TNPO3: variants seen among roughly 807,000 people sequenced by gnomAD.
TNPO3 encodes transportin 3.
Under a neutral mutation model 122.8 loss-of-function variants are expected in TNPO3, and 65 were observed. That is an observed-to-expected ratio of 0.53 (90% CI 0.43 to 0.65). The LOEUF (loss-of-function observed/expected upper bound fraction) is 0.65, where lower values mean the gene tolerates loss of function less well. TNPO3 is among the 30% of genes least tolerant of loss of function. TNPO3 has a pLI of 0.00. For synonymous variants in TNPO3, 372 were observed against 411.2 expected, an observed-to-expected ratio of 0.90 and a Z score of 1.15; for missense variants, 850 against 1,136.7, an observed-to-expected ratio of 0.75 and a Z score of 3.63.
intron 1 of TNPO3, chr7:129,029,504 G>C (rs1805654540): frequency 6.5e-6 from 1 of 152,740 alleles, no homozygotes; most frequent in African/African-American, 2.4e-5. Context: ...AATGTCCACT[G>C]TGTCTTTGAC....
intron 20 of TNPO3, among the ~76,000 whole-genome samples, chr7:128,969,583 G>A (rs1289376428): frequency 1.3e-5 from 2 of 152,006 alleles, no homozygotes; most frequent in East Asian, 1.9e-4. Flanking sequence ...ATGGTCATGT[G>A]GCCCAGTACT....
intron 12 of TNPO3, among the ~76,000 whole-genome samples, chr7:128,984,930 G>A (rs888116483): frequency 3.3e-5 from 5 of 152,078 alleles, no homozygotes; most frequent in Non-Finnish European, 5.9e-5. Flanking sequence ...AACCAAAAGA[G>A]GCAGTTAGGT....
chr7:129,009,022 C>T (rs536725997), intron 4 of TNPO3, among the ~76,000 whole-genome samples: 2 of 152,306 alleles, frequency 1.3e-5, no homozygotes, highest in South Asian at 4.1e-4. Flanking sequence ...TAACAGTTAT[C>T]TTCTGTTCCT....
chr7:128,967,986 G>A (rs533079391), intron 20 of TNPO3, among the ~76,000 whole-genome samples: 2 of 152,050 alleles, frequency 1.3e-5, no homozygotes, highest in South Asian at 4.2e-4. Flanking sequence ...TCAAACTCCT[G>A]GGCTCAAGAG....
intron 14 of TNPO3, among the ~76,000 whole-genome samples, chr7:128,980,237 A>G (rs892080471): frequency 1.3e-5 from 2 of 152,248 alleles, no homozygotes; most frequent in African/African-American, 4.8e-5. Context: ...CTTCCAATAG[A>G]ACACGCAAAT....
At chr7:128,995,697 T>G (rs1054515214) in intron 8 of TNPO3, among the ~76,000 whole-genome samples, 7 of 113,900 alleles carry the variant, frequency 6.1e-5, no homozygotes, top group Non-Finnish European at 9.8e-5. Flanking sequence ...ACAGGAGTCT[T>G]CACTTTATTT....
At position 129,033,455 on chromosome 7, in the gene TNPO3, G is replaced by C. The variant is rs541543834; in HGVS notation, c.121-15298C>G. On this transcript the variant is annotated intron_variant, in intron 1 of 22. Transcript: ENST00000265388. ...GCAAAAAAACCTCAGAAAATAATAT[G>C]TGTTATCAAGAATGTGGAGAAACTA... Among the ~76,000 whole-genome samples the C allele has an allele frequency of 7.2e-5, 11 of 152,246 alleles. No homozygotes were observed. In the South Asian group the frequency reaches 2.1e-3, roughly 29 times the overall value.
At chr7:129,009,667 A>G (rs1184071612) in intron 4 of TNPO3, among the ~76,000 whole-genome samples, 3 of 152,188 alleles carry the variant, frequency 2.0e-5, no homozygotes, top group Non-Finnish European at 4.4e-5. Flanking sequence ...ATACATGTGG[A>G]TGGGATTATT....
intron 4 of TNPO3, among the ~76,000 whole-genome samples, chr7:129,014,288 C>T (rs549156704): frequency 6.6e-6 from 1 of 152,220 alleles, no homozygotes; most frequent in Non-Finnish European, 1.5e-5. Context: ...TTCGGGAGGC[C>T]AAGGCAGGTG....
chr7:128,964,607 T>C (rs1020543886), intron 21 of TNPO3, among the ~76,000 whole-genome samples: 4 of 152,144 alleles, frequency 2.6e-5, no homozygotes, highest in Non-Finnish European at 5.9e-5. Context: ...AGTGCTGGGA[T>C]TACAGGCGTG....
At chr7:129,030,270 CA>C in intron 1 of TNPO3, 1 of 248,404 alleles carries the variant, frequency 4.0e-6, no homozygotes, top group Admixed American at 5.0e-5. Context: ...GTGATCTGCC[CA>C]AAATATATGT....
chr7:129,015,344 AT>A (rs1803717272), intron 3 of TNPO3, among the ~76,000 whole-genome samples: 1 of 149,982 alleles, frequency 6.7e-6, no homozygotes, highest in Non-Finnish European at 1.5e-5. Context: ...AGCCATTATA[AT>A]GAACATGATA....
chr7:129,054,558 G>C (rs1459436782), intron 1 of TNPO3, 93 bp downstream of exon 1: 1 of 1,562,796 alleles, frequency 6.4e-7, no homozygotes, highest in African/African-American at 1.4e-5. Flanking sequence ...AGGACCTCAC[G>C]AGGTCAACTG....
chr7:128,970,279 C>T lies in TNPO3; in HGVS notation c.2467G>A (p.Gly823Arg). The T allele has an allele frequency of 8.1e-6, 13 of 1,609,978 alleles. No individual in the cohort carries two copies. The highest frequency in any genetic ancestry group is 1.1e-5 in the Non-Finnish European group (13 of 1,178,130). Residue 823 changes from glycine (G) to arginine (R), a missense_variant, in exon 20 of 23, where the codon GGA (glycine) becomes AGA (arginine). Gly to Arg is a moderately radical substitution (Grantham distance 125, BLOSUM62 -2). Coordinates refer to ENST00000265388, the MANE Select transcript of TNPO3 (RefSeq NM_012470.4). Reference sequence around the variant, plus strand: ...TGTCCAAGCTGGTTCATCACCTGTCCAATCAGTTCTTTCCGTAATTCAAAG... The same window carrying T: ...TGTCCAAGCTGGTTCATCACCTGTCTAATCAGTTCTTTCCGTAATTCAAAG... Reference protein sequence around the residue: ...EDFELRKELIGQVMNQLGQQL... With the variant: ...EDFELRKELIRQVMNQLGQQL...
intron 16 of TNPO3, among the ~76,000 whole-genome samples, chr7:128,978,233 C>A (rs530309392): frequency 6.6e-6 from 1 of 152,336 alleles, no homozygotes; most frequent in South Asian, 2.1e-4. Context: ...TAGAGAACAT[C>A]ATTTAGTGAG....
intron 12 of TNPO3, 150 bp from the exon 13 acceptor site, chr7:128,984,409 T>C (rs73463044): frequency 8.3e-5 from 43 of 515,018 alleles, no homozygotes; most frequent in African/African-American, 7.9e-4. Context: ...TGACAACACT[T>C]TGTTATTTAC....
chr7:129,004,798 T>A (rs151191441), intron 5 of TNPO3, among the ~76,000 whole-genome samples: 18 of 152,332 alleles, frequency 1.2e-4, no homozygotes, highest in Admixed American at 1.2e-3. Context: ...TATCAACATA[T>A]AAGACTGTTT....
intron 8 of TNPO3, 63 bp downstream of exon 8, chr7:128,997,320 GTTCCTT>G: frequency 1.3e-6 from 2 of 1,567,974 alleles, no homozygotes; most frequent in Non-Finnish European, 1.7e-6. Context: ...TATCTTCTCA[GTTCCTT>G]TTCAAGTTGG....
chr7:128,995,681 T>C (rs1186150567), intron 8 of TNPO3, among the ~76,000 whole-genome samples: 1 of 142,588 alleles, frequency 7.0e-6, no homozygotes, highest in Non-Finnish European at 1.5e-5. Flanking sequence ...TAAAATGTGG[T>C]TGAAGACAGG....
Sources: allele counts gnomAD v4.1 joint callset (sites outside exome capture counted in the v4.1 genomes callset), GRCh38; gene constraint gnomAD v4.1.1; transcripts MANE v1.5; gene names NCBI Gene and HGNC (gene_info 2026-07-23, HGNC 2026-07-21).